Variants in CYBC1 observed in about 807,000 individuals in gnomAD.
CYBC1 encodes the protein essential for reactive oxygen species protein.
A neutral mutation model predicts 21.7 loss-of-function variants in CYBC1; 22 were observed. The ratio of observed to expected loss-of-function variants is 1.02; its 90% confidence interval spans 0.73 to 1.45. The LOEUF (loss-of-function observed/expected upper bound fraction) is 1.45, where lower values mean the gene tolerates loss of function less well. CYBC1 is among the 40% of genes most tolerant of loss of function. The probability of loss-of-function intolerance (pLI) is 0.00; values close to 1 mark genes in which losing one functional copy is unlikely to be tolerated. For synonymous variants in CYBC1, 112 were observed against 98.7 expected, an observed-to-expected ratio of 1.13 and a Z score of -0.80; for missense variants, 237 against 242.1, an observed-to-expected ratio of 0.98 and a Z score of 0.14.
At chr17:82,444,796 C>A in intron 5 of CYBC1, 1 of 608,786 alleles carries the variant, frequency 1.6e-6, no homozygotes, top group Non-Finnish European at 2.8e-6. Context: ...AAGGACGTGC[C>A]CGCGGTGCAG....
rs2054098484 is a variant in CYBC1 at position 82,443,694 on chromosome 17, C to G, written c.*310G>C. ...GATGTCCTGGTCTGGCCTGCTGTTT[C>G]ATGCAGTGTGCAAGCAGCAGCATGA... is the stretch of plus-strand genomic sequence containing the variant. On this transcript the variant is annotated 3_prime_UTR_variant, in exon 7 of 7. Transcript: ENST00000306645. The surrounding 1 kb of genome is among the most constrained non-coding windows in gnomAD (Gnocchi z 6.7). 1 of 771,784 alleles carries G rather than the reference C, an allele frequency of 1.3e-6. No homozygotes were observed. The highest frequency in any genetic ancestry group is 1.7e-5 in the African/African-American group (1 of 59,342). The allele number at this position is 771,784 out of a possible 1,614,324, so 47.8% of individuals were successfully genotyped here.
At chr17:82,445,644 G>A in intron 5 of CYBC1, 1 of 492,588 alleles carries the variant, frequency 2.0e-6, no homozygotes, top group Non-Finnish European at 3.6e-6. Context: ...AACCTCTAAA[G>A]AACCCAGGAG....
In CYBC1 at chr17:82,447,075, C is replaced by T. The variant is rs569949590; in HGVS notation, c.128-379G>A. 17 of 334,976 alleles carry T rather than the reference C, an allele frequency of 5.1e-5. 1 individual carries two copies. Among genetic ancestry groups the T allele is most frequent in the South Asian group, 2.6e-4 (8 of 30,754 alleles). The allele number at this position is 334,976 out of a possible 1,614,324, so 20.8% of individuals were successfully genotyped here. On this transcript the variant is annotated intron_variant, in intron 3 of 6. Coordinates refer to ENST00000306645, the MANE Select transcript of CYBC1 (RefSeq NM_001033046.4). ...GAAGACTTAAGAAGTGAAATGTGGC[C>T]GGGCGCAGTGGCTCACGCCTGTAAT...
chr17:82,447,267 G>A (rs2143735053), intron 3 of CYBC1: 1 of 419,712 alleles, frequency 2.4e-6, no homozygotes, highest in East Asian at 5.5e-5. Flanking sequence ...GCAGGAGAAT[G>A]GCGTGAACCC....
intron 1 of CYBC1, chr17:82,449,595 C>T (rs961226365): frequency 1.0e-5 from 3 of 289,848 alleles, no homozygotes; most frequent in African/African-American, 6.5e-5. Flanking sequence ...TGTCTGGAAA[C>T]CTTATGTCCT....
intron 4 of CYBC1, among the ~76,000 whole-genome samples, 188 bp from the exon 5 acceptor site, chr17:82,446,148 C>T (rs1272807960): frequency 2.6e-5 from 4 of 152,212 alleles, no homozygotes; most frequent in African/African-American, 9.6e-5. Context: ...GCAGCCAACC[C>T]GACTCCTGTT....
chr17:82,447,959 G>A (rs985572341), intron 2 of CYBC1: 33 of 453,430 alleles, frequency 7.3e-5, no homozygotes, highest in Non-Finnish European at 4.8e-5. Flanking sequence ...CACAGTATAC[G>A]CTATTCACAG....
Position 82,443,630 on chromosome 17 carries a change from C to A in CYBC1, c.*374G>T. 1.4e-6 allele frequency: 1 copy of A among 737,784 alleles called. No homozygotes were observed. The highest frequency in any genetic ancestry group is 1.9e-5 in the Admixed American group (1 of 52,814). The allele number at this position is 737,784 out of a possible 1,614,324, so 45.7% of individuals were successfully genotyped here. ...CCAGGGCTGGCGAGACCTCCGGCTG[C>A]AGAAAGGCAGGCCCAGGCCTCACGA... On this transcript the variant is annotated 3_prime_UTR_variant, in exon 7 of 7. Transcript: ENST00000306645. The surrounding 1 kb of genome is among the most constrained non-coding windows in gnomAD (Gnocchi z 6.7).
At chr17:82,447,001 A>T (rs2054334916) in intron 3 of CYBC1, 1 of 477,006 alleles carries the variant, frequency 2.1e-6, no homozygotes, top group Non-Finnish European at 3.8e-6. Context: ...GCTGGATCTT[A>T]GATCCTCAAG....
At chr17:82,449,503 C>G in intron 1 of CYBC1, 1 of 407,002 alleles carries the variant, frequency 2.5e-6, no homozygotes, top group East Asian at 3.7e-5. Flanking sequence ...GGCCCTTTTC[C>G]GTTCACAGCG....
At chr17:82,449,331 A>AC in intron 1 of CYBC1, 39 bp from the exon 2 acceptor site, 1 of 1,200,894 alleles carries the variant, frequency 8.3e-7, no homozygotes, top group South Asian at 1.7e-5. Flanking sequence ...TTGGGCCTGC[A>AC]CACAGGCAGG....
chr17:82,444,415 G>C, intron 6 of CYBC1, 32 bp downstream of exon 6: 3 of 1,581,790 alleles, frequency 1.9e-6, no homozygotes, highest in Non-Finnish European at 2.6e-6. Context: ...TACGGCTGCA[G>C]CTCCGGCCAG....
rs2054255901 is a variant in CYBC1, at chr17:82,445,863, C to A, written c.298+1G>T. ...ATGTCCCCACGCTCCCCACGACTCA[C>A]CCTGGTCGTGGCCAGCTCTGAAAAG... On this transcript the variant is annotated splice_donor_variant, in intron 5 of 6. Transcript: ENST00000306645. LOFTEE classifies it high-confidence loss of function. 3.7e-6 allele frequency: 6 copies of A among 1,607,266 alleles called. No homozygotes were observed. In the South Asian group the frequency reaches 6.7e-5, roughly 18 times the overall value.
At chr17:82,448,168 G>A in intron 2 of CYBC1, 1 of 209,590 alleles carries the variant, frequency 4.8e-6, no homozygotes, top group Non-Finnish European at 9.6e-6. Flanking sequence ...TCCTCACACG[G>A]TGTCCCGTCA....
intron 6 of CYBC1, 56 bp downstream of exon 6, chr17:82,444,391 C>T (rs769609641): frequency 1.0e-4 from 160 of 1,559,182 alleles, no homozygotes; most frequent in Non-Finnish European, 1.3e-4. Context: ...CAGTCAGGAA[C>T]GGGAGTGACC....
chr17:82,446,593 G>A, intron 4 of CYBC1, 30 bp downstream of exon 4: 5 of 1,609,772 alleles, frequency 3.1e-6, no homozygotes, highest in Non-Finnish European at 4.3e-6. Context: ...AACAGCCCTG[G>A]ACTCTGTCCC....
intron 4 of CYBC1, among the ~76,000 whole-genome samples, chr17:82,446,296 G>A (rs1460149223): frequency 2.0e-5 from 3 of 152,250 alleles, no homozygotes; most frequent in Non-Finnish European, 4.4e-5. Flanking sequence ...AAGGACTCAT[G>A]AGGGGCTCCG....
intron 4 of CYBC1, 60 bp downstream of exon 4, chr17:82,446,563 T>C: frequency 6.4e-7 from 1 of 1,553,566 alleles, no homozygotes; most frequent in Non-Finnish European, 8.9e-7. Context: ...TCATTCCCAT[T>C]GCAAAAAACC....
In CYBC1 at chr17:82,443,555, G is replaced by A. The variant is rs991700098; in HGVS notation, c.*449C>T. 1 of 701,158 alleles carries A rather than the reference G, an allele frequency of 1.4e-6. No individual in the cohort carries two copies. Among genetic ancestry groups the A allele is most frequent in the African/African-American group, 1.7e-5 (1 of 57,240 alleles). 43.4% of individuals were successfully genotyped at this position (701,158 alleles called of 1,614,324 possible). ...TCAGCACCCACAAGGGCCCGGCCTGGCCCCGCCTCTCCACTCGCCCGAGGT... is the reference window on the plus strand; with the variant it reads ...TCAGCACCCACAAGGGCCCGGCCTGACCCCGCCTCTCCACTCGCCCGAGGT... On this transcript the variant is annotated 3_prime_UTR_variant, in exon 7 of 7. Transcript: ENST00000306645. This position sits in a 1 kb window ranked among gnomAD's most constrained non-coding sequence, Gnocchi z 6.7.
Sources: allele counts gnomAD v4.1 joint callset (sites outside exome capture counted in the v4.1 genomes callset), GRCh38; gene constraint gnomAD v4.1.1; non-coding constraint Gnocchi (gnomAD v3.1); transcripts MANE v1.5; gene names NCBI Gene and HGNC (gene_info 2026-07-23, HGNC 2026-07-21).